Variants in DYNC2H1 observed in about 807,000 individuals in gnomAD.
DYNC2H1 encodes the protein dynein cytoplasmic 2 heavy chain 1.
DYNC2H1 carries 410 observed loss-of-function variants against 570.0 expected under a neutral mutation model. That is an observed-to-expected ratio of 0.72 (90% CI 0.66 to 0.78). The LOEUF is 0.78. DYNC2H1 is among the 30% of genes least tolerant of loss of function. The pLI is 0.00. For synonymous variants in DYNC2H1, 1,688 were observed against 1,677.6 expected, an observed-to-expected ratio of 1.01 and a Z score of -0.15; for missense variants, 4,865 against 5,046.4, an observed-to-expected ratio of 0.96 and a Z score of 1.09.
At position 103,257,687 on chromosome 11, in the gene DYNC2H1, A is replaced by G. The variant is rs1214561057; in HGVS notation, c.10541A>G (p.Asn3514Ser). Residue 3514 changes from asparagine to serine, a missense_variant, in exon 69 of 89, where the codon AAC becomes AGC. Physicochemically the swap from Asn to Ser is conservative, Grantham distance 46. Transcript: ENST00000375735. ...ATTTCTGATTTGTCCAAAATTAATA[A>G]CATGTACCGTTTTAGTTTGGCTGCT... is the stretch of plus-strand genomic sequence containing the variant. ...FIISDLSKIN[N>S]MYRFSLAAFL... 1 of 1,612,570 alleles carries G rather than the reference A, an allele frequency of 6.2e-7. No individual in the cohort carries two copies. The highest frequency in any genetic ancestry group is 8.5e-7 in the Non-Finnish European group (1 of 1,179,176).
In DYNC2H1 at chr11:103,283,123, T is replaced by G. The variant is rs201011833; in HGVS notation, c.10890+38T>G. On this transcript the variant is annotated intron_variant, in intron 73 of 88. Transcript: ENST00000375735. ...TACTATGAGACATGTTTTAATTTCT[T>G]CTGTATTTGCATTGTTTCTGTTGAT... 16 of 1,512,484 alleles carry G rather than the reference T, an allele frequency of 1.1e-5. No individual in the cohort carries two copies. The East Asian group carries it at 3.4e-4, about 32-fold the overall frequency. The allele number at this position is 1,512,484 out of a possible 1,614,324, so 93.7% of individuals were successfully genotyped here.
Position 103,449,646 on chromosome 11 carries a change from T to C in DYNC2H1, c.12457-5540T>C, listed in dbSNP as rs527381571. The stretch of plus-strand genomic sequence containing the variant: ...ATCTTCTCTATACATGTGGTAATTA[T>C]TAAGTTTAGAAATTATTCATTTTCA... On this transcript the variant is annotated intron_variant, in intron 85 of 88. Coordinates refer to ENST00000375735, the MANE Select transcript of DYNC2H1 (RefSeq NM_001377.3). 4.4e-4 allele frequency among the ~76,000 whole-genome samples: 67 copies of C among 150,740 alleles called. No homozygotes were observed. The Middle Eastern group carries it at 0.017, about 39-fold the overall frequency.
chr11:103,468,387 G>T, intron 87 of DYNC2H1: 1 of 405,596 alleles, frequency 2.5e-6, no homozygotes, highest in South Asian at 6.2e-5. Context: ...TGCTAAAAAT[G>T]AGAAATCAGT....
chr11:103,367,156 A>AAT (rs1361951471), intron 83 of DYNC2H1, among the ~76,000 whole-genome samples: 3 of 152,088 alleles, frequency 2.0e-5, no homozygotes, highest in African/African-American at 7.2e-5. Flanking sequence ...GTTGTGGCTA[A>AAT]ATGTTATTCA....
intron 80 of DYNC2H1, among the ~76,000 whole-genome samples, chr11:103,317,875 C>T (rs955208621): frequency 2.0e-5 from 3 of 152,004 alleles, no homozygotes; most frequent in Admixed American, 1.3e-4. Context: ...ACCTCGATAT[C>T]TTCTTGTTTA....
In DYNC2H1 at chr11:103,395,492, T is replaced by TACACACACACAC. The variant is rs35986938; in HGVS notation, c.12157-4158_12157-4147dup. ...TATCATATATATATTTATGTATATG[T>TACACACACACAC]ACACACACACACACACACACACACT... is the stretch of plus-strand genomic sequence containing the variant. On this transcript the variant is annotated intron_variant, in intron 83 of 88. Coordinates refer to ENST00000375735, the MANE Select transcript of DYNC2H1 (RefSeq NM_001377.3). The surrounding 1 kb of genome is among the most constrained non-coding windows in gnomAD (Gnocchi z 4.3). Among the ~76,000 whole-genome samples the TACACACACACAC allele has an allele frequency of 4.0e-5, 6 of 149,936 alleles. No individual in the cohort carries two copies. Among genetic ancestry groups the TACACACACACAC allele is most frequent in the African/African-American group, 1.5e-4 (6 of 40,808 alleles).
Position 103,187,574 on chromosome 11 carries a change from A to C in DYNC2H1, c.7128A>C (p.Ala2376=), listed in dbSNP as rs371410128. The C allele has an allele frequency of 6.2e-7, 1 of 1,612,906 alleles. No homozygotes were observed. The highest frequency in any genetic ancestry group is 1.3e-5 in the African/African-American group (1 of 75,020). ...AATGGGGGACCAGTACTTTGGTAGC[A>C]TTCCTACAACAGGTAAGTCATATTG... The part of the protein sequence containing the change: ...LDKWGTSTLV[A]FLQQVLTYQG... Residue 2376 remains alanine, a synonymous_variant, in exon 43 of 89, where the codon GCA becomes GCC. Coordinates refer to ENST00000375735, the MANE Select transcript of DYNC2H1 (RefSeq NM_001377.3).
Position 103,472,030 on chromosome 11 carries a change from T to C in DYNC2H1, c.12765+3325T>C, listed in dbSNP as rs930005778. 6.6e-6 allele frequency among the ~76,000 whole-genome samples: 1 copy of C among 152,132 alleles called. No individual in the cohort carries two copies. The highest frequency in any genetic ancestry group is 6.5e-5 in the Admixed American group (1 of 15,274). The stretch of plus-strand genomic sequence containing the variant: ...GGTAACAAGGCATTCCAGACAGAAG[T>C]AGCAGCATATGTAAATATATGCAGA... On this transcript the variant is annotated intron_variant, in intron 88 of 88. Coordinates refer to ENST00000375735, the MANE Select transcript of DYNC2H1 (RefSeq NM_001377.3). The surrounding 1 kb of genome is among the most constrained non-coding windows in gnomAD (Gnocchi z 4.1).
chr11:103,302,309 T>C (rs1430870), intron 75 of DYNC2H1, among the ~76,000 whole-genome samples: 12,354 of 152,128 alleles, frequency 0.081, 790 homozygotes, highest in Admixed American at 0.2. Flanking sequence ...TTATATATCA[T>C]TTAAATAAAC....
intron 82 of DYNC2H1, among the ~76,000 whole-genome samples, chr11:103,330,765 G>A (rs1365068597): frequency 3.3e-5 from 5 of 151,748 alleles, no homozygotes; most frequent in African/African-American, 1.2e-4. Flanking sequence ...AAACTGGCCG[G>A]TCACAGTACT....
At chr11:103,140,325 G>A (rs1461735481) in intron 17 of DYNC2H1, among the ~76,000 whole-genome samples, 1 of 152,056 alleles carries the variant, frequency 6.6e-6, no homozygotes, top group African/African-American at 2.4e-5. Flanking sequence ...TTTACATTTT[G>A]GCATGATTTT....
chr11:103,289,335 A>T lies in DYNC2H1; in HGVS notation c.11095+1730A>T, dbSNP rs1379004288. ...AATGGGCAAGGTGAACCCATTGGGC[A>T]CTAAAAAACCATAAGCTAAATTCCT... is the stretch of plus-strand genomic sequence containing the variant. On this transcript the variant is annotated intron_variant, in intron 75 of 88. Coordinates refer to ENST00000375735, the MANE Select transcript of DYNC2H1 (RefSeq NM_001377.3). This position sits in a 1 kb window ranked among gnomAD's most constrained non-coding sequence, Gnocchi z 4.2. Among the ~76,000 whole-genome samples, 1 of 152,182 alleles carries T rather than the reference A, an allele frequency of 6.6e-6. No homozygotes were observed. Among genetic ancestry groups the T allele is most frequent in the Non-Finnish European group, 1.5e-5 (1 of 68,030 alleles).
chr11:103,189,761 G>T lies in DYNC2H1; in HGVS notation c.7382G>T (p.Gly2461Val), dbSNP rs137853034. The T allele has an allele frequency of 6.2e-7, 1 of 1,611,868 alleles. No homozygotes were observed. The highest frequency in any genetic ancestry group is 8.5e-7 in the Non-Finnish European group (1 of 1,179,084). ...HKNLKNHSIWGSSSKIYLLAG... is the reference protein window; with the variant it reads ...HKNLKNHSIWVSSSKIYLLAG... ...AATCTGAAGAATCATTCTATTTGGG[G>T]TTCTTCATCAAAAATTTATCTTTTA... The change falls in exon 45 of 89, where the codon GGT becomes GTT. Residue 2461 changes from glycine (G) to valine (V), a missense_variant. Physicochemically the swap from Gly to Val is moderately radical, Grantham distance 109. Transcript: ENST00000375735. This position sits in a 1 kb window ranked among gnomAD's most constrained non-coding sequence, Gnocchi z 4.3.
Position 103,204,836 on chromosome 11 carries a change from T to C in DYNC2H1, c.8326T>C (p.Leu2776=). The C allele has an allele frequency of 6.3e-7, 1 of 1,587,146 alleles. No homozygotes were observed. Among genetic ancestry groups the C allele is most frequent in the Non-Finnish European group, 8.6e-7 (1 of 1,165,246 alleles). The part of the protein sequence containing the change: ...NYFTYRIQQN[L]HIVLIMDSAN... ...ATATTTCTTAGGAATTCAGCAAAAC[T>C]TGCATATTGTCTTGATAATGGATTC... Residue 2776 remains leucine (L), a synonymous_variant, in exon 52 of 89, where the codon TTG becomes CTG. Transcript: ENST00000375735. The surrounding 1 kb of genome is among the most constrained non-coding windows in gnomAD (Gnocchi z 4.1).
In DYNC2H1 at chr11:103,203,682, T is replaced by C. The variant is rs958642276; in HGVS notation, c.8217T>C (p.Tyr2739=). Residue 2739 remains tyrosine (Y), a synonymous_variant, in exon 51 of 89, where the codon TAT becomes TAC. Transcript: ENST00000375735. The surrounding 1 kb of genome is among the most constrained non-coding windows in gnomAD (Gnocchi z 4.7). ...LLSSGEVPGL[Y]TLEELEPLLL... ...CTGTAGGTGAAGTTCCTGGACTCTA[T>C]ACTCTTGAAGAATTAGAGCCCTTGC... 3 of 1,610,544 alleles carry C rather than the reference T, an allele frequency of 1.9e-6. No individual in the cohort carries two copies. The highest frequency in any genetic ancestry group is 2.5e-6 in the Non-Finnish European group (3 of 1,178,550).
intron 66 of DYNC2H1, among the ~76,000 whole-genome samples, chr11:103,253,953 C>A (rs2135256386): frequency 6.6e-6 from 1 of 152,134 alleles, no homozygotes; most frequent in East Asian, 1.9e-4. Flanking sequence ...TTTTCATGTC[C>A]ATACTCACAT....
At chr11:103,388,347 T>C (rs1941982917) in intron 83 of DYNC2H1, among the ~76,000 whole-genome samples, 1 of 152,228 alleles carries the variant, frequency 6.6e-6, no homozygotes, top group Non-Finnish European at 1.5e-5. Flanking sequence ...TTTTGCACAT[T>C]GATTTTGTAT....
chr11:103,459,975 A>C (rs988595513), intron 87 of DYNC2H1, among the ~76,000 whole-genome samples: 1 of 151,650 alleles, frequency 6.6e-6, no homozygotes, highest in Non-Finnish European at 1.5e-5. Flanking sequence ...AAAAGAAAAA[A>C]AAAAAAAAGC....
chr11:103,288,028 A>G (rs1866419887), intron 75 of DYNC2H1, among the ~76,000 whole-genome samples: 1 of 152,076 alleles, frequency 6.6e-6, no homozygotes, highest in Admixed American at 6.5e-5. Flanking sequence ...AGATGGAATC[A>G]TAGGGGTTTT....
Sources: allele counts gnomAD v4.1 joint callset (sites outside exome capture counted in the v4.1 genomes callset), GRCh38; gene constraint gnomAD v4.1.1; non-coding constraint Gnocchi (gnomAD v3.1); transcripts MANE v1.5; gene names NCBI Gene and HGNC (gene_info 2026-07-23, HGNC 2026-07-21).